DNAH7: variants seen among roughly 807,000 people sequenced by gnomAD.
The protein encoded by DNAH7 is dynein axonemal heavy chain 7.
A neutral mutation model predicts 444.6 loss-of-function variants in DNAH7; 397 were observed. The ratio of observed to expected loss-of-function variants is 0.89; its 90% CI spans 0.82 to 0.97. DNAH7 has a LOEUF of 0.97. DNAH7 is among the 50% of genes least tolerant of loss of function. The pLI, the probability that DNAH7 is intolerant of heterozygous loss-of-function variation, is 0.00. For synonymous variants in DNAH7, 1,636 were observed against 1,624.4 expected (o/e 1.01, Z -0.17); for missense variants, 4,902 against 4,800.8 (o/e 1.02, Z -0.62).
At position 195,857,612 on chromosome 2, in the gene DNAH7, C is replaced by T. The variant is rs375411119; in HGVS notation, c.8179G>A (p.Gly2727Ser). 4.4e-5 allele frequency: 71 copies of T among 1,613,810 alleles called. No individual in the cohort carries two copies. Among genetic ancestry groups the T allele is most frequent in the Non-Finnish European group, 4.3e-5 (51 of 1,179,934 alleles). Reference protein sequence around the residue: ...IKADKIPDPTGSGKKIEDFWG... With the variant: ...IKADKIPDPTSSGKKIEDFWG... ...AAATCCTCAATTTTTTTCCCTGAAC[C>T]TGTTGGGTCAGGGATTTTGTCAGCT... The change falls in exon 44 of 65, where the codon GGT (glycine) becomes AGT (serine). Residue 2727 changes from glycine (G) to serine (S), a missense_variant. Coordinates refer to ENST00000312428, the MANE Select transcript of DNAH7 (RefSeq NM_018897.3).
chr2:195,752,438 G>T (rs1693847201), intron 63 of DNAH7, among the ~76,000 whole-genome samples: 1 of 152,116 alleles, frequency 6.6e-6, no homozygotes, highest in Non-Finnish European at 1.5e-5. Context: ...ATACCAAAGT[G>T]TAGATTTCAG....
intron 49 of DNAH7, among the ~76,000 whole-genome samples, chr2:195,822,824 T>G (rs1164539103): frequency 2.6e-5 from 4 of 152,230 alleles, no homozygotes; most frequent in Non-Finnish European, 5.9e-5. Flanking sequence ...CATTTTTCTC[T>G]AACACAGCTC....
intron 5 of DNAH7, 32 bp from the exon 6 acceptor site, chr2:196,028,079 T>C (rs768688372): frequency 1.9e-6 from 3 of 1,564,254 alleles, no homozygotes; most frequent in Admixed American, 1.7e-5. Context: ...TATTCAAAAG[T>C]AGATAAGGGG....
chr2:196,056,984 C>T (rs775898109), intron 2 of DNAH7, among the ~76,000 whole-genome samples: 2 of 151,894 alleles, frequency 1.3e-5, no homozygotes, highest in Non-Finnish European at 2.9e-5. Flanking sequence ...CACCAGCTCA[C>T]AGGGGCTGAG....
chr2:195,847,067 T>C (rs1699040955), intron 46 of DNAH7, among the ~76,000 whole-genome samples: 1 of 147,536 alleles, frequency 6.8e-6, no homozygotes, highest in Non-Finnish European at 1.5e-5. Flanking sequence ...CCCATATATA[T>C]ATATATATAT....
intron 38 of DNAH7, 89 bp from the exon 39 acceptor site, chr2:195,873,783 A>C: frequency 1.0e-6 from 1 of 972,056 alleles, no homozygotes; most frequent in South Asian, 3.2e-5. Context: ...AGTAACTTGA[A>C]AGATGGACAA....
intron 47 of DNAH7, among the ~76,000 whole-genome samples, chr2:195,836,673 AAG>A (rs1315878016): frequency 1.3e-5 from 2 of 152,174 alleles, no homozygotes; most frequent in Non-Finnish European, 2.9e-5. Flanking sequence ...AATCACTCTA[AAG>A]AGAGTGAGAG....
At chr2:195,771,972 T>C in intron 60 of DNAH7, 82 bp from the exon 61 acceptor site, 1 of 1,183,538 alleles carries the variant, frequency 8.4e-7, no homozygotes. Context: ...AAGGTAAATC[T>C]TTATAAGAAA....
chr2:195,766,244 G>A (rs1694583228), intron 61 of DNAH7, among the ~76,000 whole-genome samples: 1 of 140,366 alleles, frequency 7.1e-6, no homozygotes. Context: ...CACAATCTTG[G>A]CTCACTGCAA....
intron 49 of DNAH7, among the ~76,000 whole-genome samples, chr2:195,820,264 G>A (rs1339731226): frequency 6.6e-6 from 1 of 151,930 alleles, no homozygotes; most frequent in Non-Finnish European, 1.5e-5. Context: ...ATGGACACAG[G>A]GAGGGGGACA....
chr2:195,839,971 T>G (rs1698585967), intron 47 of DNAH7, among the ~76,000 whole-genome samples: 1 of 151,806 alleles, frequency 6.6e-6, no homozygotes, highest in Non-Finnish European at 1.5e-5. Flanking sequence ...ACATGATCTC[T>G]TCCACAAAAT....
At chr2:195,791,149 C>G (rs1355237810) in intron 57 of DNAH7, among the ~76,000 whole-genome samples, 1 of 152,020 alleles carries the variant, frequency 6.6e-6, no homozygotes, top group African/African-American at 2.4e-5. Flanking sequence ...GAGATACCTT[C>G]TTATACCAGT....
intron 47 of DNAH7, among the ~76,000 whole-genome samples, chr2:195,844,599 T>C (rs2125006297): frequency 6.6e-6 from 1 of 152,176 alleles, no homozygotes; most frequent in Middle Eastern, 3.4e-3. Context: ...TTTAAAACAG[T>C]CCCACACTAG....
chr2:195,775,282 A>C (rs980634394), intron 60 of DNAH7, among the ~76,000 whole-genome samples: 2 of 152,152 alleles, frequency 1.3e-5, no homozygotes, highest in African/African-American at 4.8e-5. Context: ...TGCATCTACA[A>C]ATTCTTCTCC....
intron 19 of DNAH7, 95 bp from the exon 20 acceptor site, chr2:195,936,887 A>C: frequency 9.6e-7 from 1 of 1,042,988 alleles, no homozygotes; most frequent in Non-Finnish European, 1.3e-6. Flanking sequence ...TTTGTAATCA[A>C]ACAAAGGTTA....
chr2:195,812,022 T>C (rs1696994336), intron 51 of DNAH7, among the ~76,000 whole-genome samples: 1 of 152,186 alleles, frequency 6.6e-6, no homozygotes, highest in Admixed American at 6.5e-5. Flanking sequence ...GAACCTAAGA[T>C]TGACCTTTTG....
intron 2 of DNAH7, among the ~76,000 whole-genome samples, chr2:196,057,706 T>A (rs16824350): frequency 0.038 from 5,712 of 152,248 alleles, 245 homozygotes; most frequent in African/African-American, 0.099. Flanking sequence ...TTCAAAACAA[T>A]TAATATTTGA....
At chr2:195,900,978 G>A (rs1199016344) in intron 27 of DNAH7, 2 of 152,408 alleles carry the variant, frequency 1.3e-5, no homozygotes, top group Non-Finnish European at 2.9e-5. Context: ...TATAAATAAA[G>A]AGGTTAGGGA....
At chr2:195,908,682 A>T (rs1197555547) in intron 25 of DNAH7, among the ~76,000 whole-genome samples, 3 of 152,078 alleles carry the variant, frequency 2.0e-5, no homozygotes, top group African/African-American at 7.2e-5. Flanking sequence ...TTCTCCACTG[A>T]TGGACACTTA....
Sources: gnomAD v4.1 joint callset for allele counts (sites outside exome capture counted in the v4.1 genomes callset) on GRCh38, gnomAD v4.1.1 for gene constraint, MANE v1.5 for transcripts, NCBI Gene and HGNC (gene_info 2026-07-23, HGNC 2026-07-21) for gene names.